Variants in RBMS3 observed in about 807,000 individuals in gnomAD.
The protein encoded by RBMS3 is RNA-binding motif, single-stranded-interacting protein 3.
A neutral mutation model predicts 66.8 loss-of-function variants in RBMS3; 27 were observed. That is an observed-to-expected ratio of 0.40 (90% confidence interval 0.30 to 0.56). The LOEUF (loss-of-function observed/expected upper bound fraction) is 0.56, where lower values mean the gene tolerates loss of function less well. Among genes scored for constraint, RBMS3 ranks in the 20% least tolerant of loss-of-function variants. The pLI is 0.40. For synonymous variants in RBMS3, 188 were observed against 183.0 expected, an observed-to-expected ratio of 1.03 and a Z score of -0.22; for missense variants, 513 against 549.5, an observed-to-expected ratio of 0.93 and a Z score of 0.66.
chr3:29,548,448 A>C (rs917544845), intron 3 of RBMS3, among the ~76,000 whole-genome samples: 5 of 128,652 alleles, frequency 3.9e-5, no homozygotes, highest in Non-Finnish European at 1.8e-5. Flanking sequence ...AAACAAACAA[A>C]CAAAAAACAA....
intron 12 of RBMS3, among the ~76,000 whole-genome samples, chr3:29,984,007 T>C (rs1330690221): frequency 6.6e-6 from 1 of 152,192 alleles, no homozygotes; most frequent in African/African-American, 2.4e-5. Flanking sequence ...AAGAGCGTTT[T>C]CCAACTTGGT....
chr3:29,364,909 C>G (rs558408694), intron 1 of RBMS3, among the ~76,000 whole-genome samples: 2 of 152,218 alleles, frequency 1.3e-5, no homozygotes, highest in Middle Eastern at 3.4e-3. Context: ...CGTGGAGTCA[C>G]TGATGCCTAA....
intron 10 of RBMS3, among the ~76,000 whole-genome samples, chr3:29,916,247 T>C (rs529268065): frequency 7.9e-4 from 120 of 152,092 alleles, no homozygotes; most frequent in Non-Finnish European, 1.5e-3. Flanking sequence ...TCTTTCCCCC[T>C]CTCCATTTAC....
chr3:29,384,026 T>C (rs972343839), intron 1 of RBMS3, among the ~76,000 whole-genome samples: 1 of 152,144 alleles, frequency 6.6e-6, no homozygotes, highest in Non-Finnish European at 1.5e-5. Flanking sequence ...GAAATTATAA[T>C]GGAAGAGAGC....
chr3:29,861,911 C>T (rs372542881), intron 6 of RBMS3, among the ~76,000 whole-genome samples: 18 of 152,316 alleles, frequency 1.2e-4, no homozygotes, highest in African/African-American at 3.8e-4. Context: ...ATAATGTCTT[C>T]TAGCACATTA....
intron 2 of RBMS3, among the ~76,000 whole-genome samples, chr3:29,452,362 C>T (rs1422238911): frequency 6.6e-6 from 1 of 152,132 alleles, no homozygotes; most frequent in Non-Finnish European, 1.5e-5. Context: ...TTACCTGCCT[C>T]CTTTTTTTGG....
At chr3:29,773,302 G>T (rs1310964112) in intron 6 of RBMS3, among the ~76,000 whole-genome samples, 1 of 151,948 alleles carries the variant, frequency 6.6e-6, no homozygotes, top group East Asian at 1.9e-4. Flanking sequence ...TTTAGAGGTG[G>T]TGAATATGCA....
intron 12 of RBMS3, among the ~76,000 whole-genome samples, chr3:29,959,478 G>T (rs1372570166): frequency 6.6e-6 from 1 of 152,114 alleles, no homozygotes; most frequent in Non-Finnish European, 1.5e-5. Flanking sequence ...AAGCCTCCAG[G>T]TGACTCTGGT....
intron 12 of RBMS3, among the ~76,000 whole-genome samples, chr3:29,962,663 G>C (rs969275288): frequency 4.6e-5 from 7 of 151,278 alleles, no homozygotes; most frequent in African/African-American, 1.7e-4. Context: ...TTTTCCACTG[G>C]TGTCAATACC....
chr3:29,590,581 T>C (rs928420303), intron 4 of RBMS3, among the ~76,000 whole-genome samples: 3 of 152,054 alleles, frequency 2.0e-5, no homozygotes, highest in Non-Finnish European at 2.9e-5. Flanking sequence ...AAATTCTTTT[T>C]TTTTCTGAAT....
At chr3:29,298,820 A>G (rs1374908848) in intron 1 of RBMS3, among the ~76,000 whole-genome samples, 1 of 151,962 alleles carries the variant, frequency 6.6e-6, no homozygotes, top group Non-Finnish European at 1.5e-5. Flanking sequence ...TGTATCCTAT[A>G]GTTACTAATA....
chr3:29,595,397 T>TAAAAAA (rs551487113), intron 4 of RBMS3, among the ~76,000 whole-genome samples: 1 of 99,906 alleles, frequency 1.0e-5, no homozygotes, highest in Admixed American at 1.1e-4. Context: ...AGAGTCAGTC[T>TAAAAAA]AAAAAAAAAA....
intron 2 of RBMS3, among the ~76,000 whole-genome samples, chr3:29,474,836 G>A (rs571116457): frequency 6.6e-6 from 1 of 152,170 alleles, no homozygotes; most frequent in African/African-American, 2.4e-5. Flanking sequence ...AAAATTCTTG[G>A]CTGTTGGAAT....
At chr3:29,576,084 A>G (rs2047110568) in intron 3 of RBMS3, among the ~76,000 whole-genome samples, 1 of 152,052 alleles carries the variant, frequency 6.6e-6, no homozygotes, top group South Asian at 2.1e-4. Context: ...GTGTCTGGAC[A>G]TTGAAGAGTT....
chr3:29,784,425 C>T (rs931179223), intron 6 of RBMS3, among the ~76,000 whole-genome samples: 2 of 152,078 alleles, frequency 1.3e-5, no homozygotes, highest in African/African-American at 4.8e-5. Flanking sequence ...ATCACCTGCT[C>T]CTGAATGATC....
intron 4 of RBMS3, among the ~76,000 whole-genome samples, chr3:29,692,060 C>A (rs1559574701): frequency 1.3e-5 from 2 of 150,202 alleles, no homozygotes; most frequent in Admixed American, 1.3e-4. Context: ...CGGCTCACTG[C>A]AACCTTTGCC....
intron 6 of RBMS3, among the ~76,000 whole-genome samples, chr3:29,850,223 T>C (rs2058896993): frequency 6.6e-6 from 1 of 152,174 alleles, no homozygotes; most frequent in African/African-American, 2.4e-5. Context: ...AGCTTATTAA[T>C]GGGAACTTCT....
At chr3:29,295,328 C>T (rs569998521) in intron 1 of RBMS3, among the ~76,000 whole-genome samples, 177 of 123,762 alleles carry the variant, frequency 1.4e-3, no homozygotes, top group Middle Eastern at 4.0e-3. Flanking sequence ...TATATATATA[C>T]ACACACATAT....
At chr3:29,794,378 A>G (rs1381841778) in intron 6 of RBMS3, among the ~76,000 whole-genome samples, 7 of 152,014 alleles carry the variant, frequency 4.6e-5, no homozygotes, top group Non-Finnish European at 8.8e-5. Context: ...TGAGGTCAGG[A>G]GATCGAGACC....
Sources: gnomAD v4.1 joint callset for allele counts (sites outside exome capture counted in the v4.1 genomes callset) on GRCh38, gnomAD v4.1.1 for gene constraint, MANE v1.5 for transcripts, NCBI Gene and HGNC (gene_info 2026-07-23, HGNC 2026-07-21) for gene names.